GLIS3: variants seen among roughly 807,000 people sequenced by gnomAD.
GLIS3 encodes zinc finger protein GLIS3.
In GLIS3, 53 loss-of-function variants were observed where a neutral mutation model predicts 78.6. The observed-to-expected ratio is 0.67, with a 90% CI of 0.54 to 0.85. GLIS3 has a LOEUF of 0.85. GLIS3 is among the 40% of genes least tolerant of loss of function. The pLI is 0.00. For synonymous variants in GLIS3, 684 were observed against 509.9 expected, an observed-to-expected ratio of 1.34 and a Z score of -4.60; for missense variants, 1,703 against 1,231.1, an observed-to-expected ratio of 1.38 and a Z score of -5.74.
At chr9:4,189,744 T>G (rs1240583585) in intron 2 of GLIS3, among the ~76,000 whole-genome samples, 1 of 152,216 alleles carries the variant, frequency 6.6e-6, no homozygotes, top group Non-Finnish European at 1.5e-5. Context: ...TTTACCATTA[T>G]GTAATGGCCT....
At chr9:4,414,126 C>G in the GLIS3 span, among the ~76,000 whole-genome samples, 54 of 152,174 alleles carry the variant, frequency 3.5e-4, no homozygotes, top group African/African-American at 1.3e-3. Flanking sequence ...TCCCCAGCCA[C>G]AGAGACCATA....
chr9:3,894,861 C>G (rs1220426621), intron 7 of GLIS3, among the ~76,000 whole-genome samples: 3 of 152,290 alleles, frequency 2.0e-5, no homozygotes, highest in African/African-American at 7.2e-5. Context: ...GTAGATTTCT[C>G]TTGTTCCAGC....
At chr9:4,332,013 A>G (rs974440848) in intron 2 of GLIS3, among the ~76,000 whole-genome samples, 13 of 152,298 alleles carry the variant, frequency 8.5e-5, no homozygotes, top group Middle Eastern at 3.4e-3. Flanking sequence ...TATGTACTTA[A>G]AGACAGAAAC....
chr9:4,185,153 C>G lies in GLIS3; in HGVS notation c.389-59212G>C, dbSNP rs572736620. On this transcript the variant is annotated intron_variant, in intron 2 of 10. Coordinates refer to ENST00000381971, the MANE Select transcript of GLIS3 (RefSeq NM_001042413.2). ...GCAACAACTTGTCAACTTTCCGTCC[C>G]TATCAATTTGACTTTTTTAACACTT... Among the ~76,000 whole-genome samples, 7 of 152,320 alleles carry G rather than the reference C, an allele frequency of 4.6e-5. No homozygotes were observed. In the South Asian group the frequency reaches 1.5e-3, roughly 32 times the overall value.
At chr9:4,410,192 G>T in the GLIS3 span, among the ~76,000 whole-genome samples, 1 of 150,736 alleles carries the variant, frequency 6.6e-6, no homozygotes, top group African/African-American at 2.4e-5. Context: ...GGCCAGGCTG[G>T]TCTCAAACTG....
At chr9:4,369,870 T>C in the GLIS3 span, among the ~76,000 whole-genome samples, 4 of 151,648 alleles carry the variant, frequency 2.6e-5, no homozygotes, top group African/African-American at 4.8e-5. Flanking sequence ...TTGCAGGACG[T>C]GGTGAATGGA....
chr9:4,451,424 A>C, the GLIS3 span, among the ~76,000 whole-genome samples: 2 of 152,154 alleles, frequency 1.3e-5, no homozygotes, highest in Non-Finnish European at 2.9e-5. Flanking sequence ...CCCACTGTCA[A>C]TATTAGACAG....
At chr9:4,381,649 C>G in the GLIS3 span, among the ~76,000 whole-genome samples, 1 of 152,198 alleles carries the variant, frequency 6.6e-6, no homozygotes, top group African/African-American at 2.4e-5. Context: ...GGAAGTACTT[C>G]TTGATTCATT....
the GLIS3 span, among the ~76,000 whole-genome samples, chr9:4,467,809 G>A: frequency 2.0e-5 from 3 of 152,214 alleles, no homozygotes; most frequent in East Asian, 1.9e-4. Flanking sequence ...AGAGAAGAAG[G>A]TTTCCGATGA....
At chr9:4,025,805 T>G (rs1034179988) in intron 4 of GLIS3, among the ~76,000 whole-genome samples, 2 of 152,096 alleles carry the variant, frequency 1.3e-5, no homozygotes, top group African/African-American at 2.4e-5. Context: ...AAAATATTCA[T>G]AAGAATTCAG....
intron 2 of GLIS3, among the ~76,000 whole-genome samples, chr9:4,278,978 G>A (rs781625880): frequency 6.6e-6 from 1 of 152,096 alleles, no homozygotes; most frequent in East Asian, 1.9e-4. Flanking sequence ...ACCAGAGTGT[G>A]GAACAAGACA....
At chr9:4,033,586 C>G (rs13283194) in intron 4 of GLIS3, among the ~76,000 whole-genome samples, 31,359 of 151,980 alleles carry the variant, frequency 0.21, 3,308 homozygotes, top group Non-Finnish European at 0.22. Flanking sequence ...CAAATAGGAG[C>G]ATGGACTTCC....
intron 4 of GLIS3, among the ~76,000 whole-genome samples, chr9:3,965,071 C>A (rs933056129): frequency 6.6e-6 from 1 of 151,828 alleles, no homozygotes; most frequent in East Asian, 1.9e-4. Flanking sequence ...AACTGTCATG[C>A]TTGAAAATGA....
At chr9:3,872,196 C>A (rs1240988720) in intron 8 of GLIS3, among the ~76,000 whole-genome samples, 1 of 152,194 alleles carries the variant, frequency 6.6e-6, no homozygotes, top group Non-Finnish European at 1.5e-5. Flanking sequence ...GTCCGTATCT[C>A]TATCAGCATT....
chr9:4,260,700 C>T (rs986781674), intron 2 of GLIS3, among the ~76,000 whole-genome samples: 4 of 151,712 alleles, frequency 2.6e-5, no homozygotes, highest in East Asian at 1.9e-4. Context: ...GAGCCGAGAT[C>T]GTGCCACTGT....
At chr9:4,405,282 C>T in the GLIS3 span, among the ~76,000 whole-genome samples, 10,185 of 151,014 alleles carry the variant, frequency 0.067, 755 homozygotes, top group East Asian at 0.31. Flanking sequence ...TGAACCCAGG[C>T]GGCAGAGGTT....
intron 2 of GLIS3, among the ~76,000 whole-genome samples, chr9:4,312,208 C>T (rs376801580): frequency 6.6e-6 from 1 of 152,224 alleles, no homozygotes; most frequent in East Asian, 1.9e-4. Flanking sequence ...TGACTCACGC[C>T]TGTAATCCCA....
upstream of GLIS3, among the ~76,000 whole-genome samples, chr9:4,302,139 C>G (rs1422828894): frequency 6.6e-6 from 1 of 152,012 alleles, no homozygotes. Context: ...AATTGGTCAG[C>G]AGGGGTGAGG....
At chr9:4,235,310 A>AAAAC (rs1277665469) in intron 2 of GLIS3, among the ~76,000 whole-genome samples, 2 of 151,680 alleles carry the variant, frequency 1.3e-5, no homozygotes, top group African/African-American at 4.8e-5. Flanking sequence ...AAAAAAAAAA[A>AAAAC]AAAAAACTGA....
Sources: allele counts gnomAD v4.1 joint callset (sites outside exome capture counted in the v4.1 genomes callset), GRCh38; gene constraint gnomAD v4.1.1; transcripts MANE v1.5; gene names NCBI Gene and HGNC (gene_info 2026-07-23, HGNC 2026-07-21).